The following DCDC1 variants were observed in gnomAD, a reference collection of about 807,000 sequenced individuals.
The protein encoded by DCDC1 is doublecortin domain containing 1, also known as doublecortin domain-containing protein 1.
Under a neutral mutation model 178.3 loss-of-function variants are expected in DCDC1, and 200 were observed. The ratio of observed to expected loss-of-function variants is 1.12; its 90% CI spans 1.00 to 1.26. DCDC1 has a LOEUF of 1.26. Among genes scored for constraint, DCDC1 ranks in the 50% most tolerant of loss-of-function variants. The pLI is 0.00. For synonymous variants in DCDC1, 690 were observed against 604.8 expected, an observed-to-expected ratio of 1.14 and a Z score of -2.07; for missense variants, 1,983 against 1,749.2, an observed-to-expected ratio of 1.13 and a Z score of -2.38.
chr11:31,237,757 GTTTA>G (rs936758783), intron 9 of DCDC1, among the ~76,000 whole-genome samples: 119 of 152,052 alleles, frequency 7.8e-4, no homozygotes, highest in African/African-American at 2.8e-3. Flanking sequence ...GAATACTTTG[GTTTA>G]TTTATTTTGC....
At chr11:31,306,438 CT>C (rs1948466054) in intron 4 of DCDC1, 50 bp from the exon 5 acceptor site, 5 of 1,515,924 alleles carry the variant, frequency 3.3e-6, no homozygotes, top group Non-Finnish European at 4.4e-6. Context: ...TTAGTGAAAG[CT>C]TTTAAATAAA....
intron 9 of DCDC1, among the ~76,000 whole-genome samples, chr11:31,168,456 G>A (rs1046808352): frequency 3.3e-5 from 5 of 152,320 alleles, no homozygotes; most frequent in African/African-American, 1.2e-4. Flanking sequence ...TAAAGACAAG[G>A]AACATGGTTT....
chr11:31,146,285 C>T (rs184634429), intron 9 of DCDC1, among the ~76,000 whole-genome samples: 4 of 152,086 alleles, frequency 2.6e-5, no homozygotes, highest in African/African-American at 9.6e-5. Flanking sequence ...GGGGTTTCAC[C>T]ATGTTGGCCA....
chr11:31,215,769 G>T (rs1290209751), intron 9 of DCDC1, among the ~76,000 whole-genome samples: 1 of 149,548 alleles, frequency 6.7e-6, no homozygotes. Flanking sequence ...CTCCAGCCTG[G>T]TGACAGAGCA....
intron 32 of DCDC1, among the ~76,000 whole-genome samples, 163 bp from the exon 33 acceptor site, chr11:30,900,661 T>A (rs1944593427): frequency 6.6e-6 from 1 of 152,156 alleles, no homozygotes; most frequent in African/African-American, 2.4e-5. Context: ...GGTCAGAAAC[T>A]TCATATACAA....
At chr11:31,184,017 C>T (rs7129901) in intron 9 of DCDC1, among the ~76,000 whole-genome samples, 40,027 of 151,962 alleles carry the variant, frequency 0.26, 5,419 homozygotes, top group African/African-American at 0.32. Context: ...GGAGGCATCA[C>T]GCTACCTGAC....
chr11:31,213,875 G>T (rs575377014), intron 9 of DCDC1, among the ~76,000 whole-genome samples: 4 of 77,906 alleles, frequency 5.1e-5, no homozygotes, highest in South Asian at 9.7e-4. Flanking sequence ...TAGAGAAAAA[G>T]AAGTATTTAT....
intron 20 of DCDC1, among the ~76,000 whole-genome samples, chr11:30,955,112 T>C (rs1011085645): frequency 4.6e-5 from 7 of 152,228 alleles, no homozygotes; most frequent in African/African-American, 1.7e-4. Flanking sequence ...TTTTTTGGAA[T>C]ACGTGGTCTA....
At chr11:31,219,662 A>T (rs1011225411) in intron 9 of DCDC1, among the ~76,000 whole-genome samples, 1 of 152,186 alleles carries the variant, frequency 6.6e-6, no homozygotes, top group Non-Finnish European at 1.5e-5. Context: ...CCAACTAAGG[A>T]CAAGGCACTG....
At chr11:30,881,336 G>T in intron 36 of DCDC1, 28 bp from the exon 37 acceptor site, 1 of 1,610,286 alleles carries the variant, frequency 6.2e-7, no homozygotes, top group Non-Finnish European at 8.5e-7. Context: ...AGCCACATTT[G>T]AATACGGAAT....
intron 22 of DCDC1, among the ~76,000 whole-genome samples, chr11:30,926,189 A>G (rs774351685): frequency 1.2e-4 from 19 of 152,306 alleles, no homozygotes; most frequent in Non-Finnish European, 2.5e-4. Context: ...AGCCTTATCT[A>G]AGGGAGTGGC....
chr11:30,975,131 AT>A (rs1203203392), intron 20 of DCDC1, among the ~76,000 whole-genome samples: 40 of 152,148 alleles, frequency 2.6e-4, no homozygotes, highest in African/African-American at 8.9e-4. Context: ...CTGTAAGATT[AT>A]CTCAATAGAC....
rs1590869019 is a variant in DCDC1, at chr11:31,047,455, T to G, written c.2591+17014A>C. Among the ~76,000 whole-genome samples the G allele has an allele frequency of 2.6e-5, 4 of 152,156 alleles. No individual in the cohort carries two copies. The South Asian group carries it at 8.3e-4, about 32-fold the overall frequency. ...TGTATATTTTTTTCTGTTCATTAGT[T>G]TTTTAAGGGTTAGTGATAAACATGC... On this transcript the variant is annotated intron_variant, in intron 20 of 38. Coordinates refer to ENST00000684477, the MANE Select transcript of DCDC1 (RefSeq NM_001387274.1).
At chr11:31,305,497 C>A in intron 6 of DCDC1, 118 bp downstream of exon 6, 4 of 1,319,200 alleles carry the variant, frequency 3.0e-6, no homozygotes, top group East Asian at 2.4e-5. Flanking sequence ...GCTGTAAATG[C>A]GTAAACATTA....
chr11:31,029,366 T>C (rs1953467008), intron 20 of DCDC1, among the ~76,000 whole-genome samples: 1 of 152,106 alleles, frequency 6.6e-6, no homozygotes, highest in Admixed American at 6.6e-5. Context: ...AAGAAGACTT[T>C]TCTGCTTAAA....
chr11:31,252,795 G>C (rs1396458515), intron 8 of DCDC1, among the ~76,000 whole-genome samples: 3 of 152,040 alleles, frequency 2.0e-5, no homozygotes, highest in Non-Finnish European at 4.4e-5. Flanking sequence ...TAAAAGAATA[G>C]ATTTCTGTTA....
intron 9 of DCDC1, among the ~76,000 whole-genome samples, chr11:31,213,713 C>T (rs1261764003): frequency 6.7e-6 from 1 of 149,292 alleles, no homozygotes; most frequent in Non-Finnish European, 1.5e-5. Flanking sequence ...GAGCATGACT[C>T]TGTCTCAAAA....
rs781130507 is a variant in DCDC1 at position 31,049,728 on chromosome 11, C to G, written c.2591+14741G>C. Among the ~76,000 whole-genome samples the G allele has an allele frequency of 3.2e-4, 49 of 152,336 alleles. No homozygotes were observed. In the Middle Eastern group the frequency reaches 0.01, roughly 32 times the overall value. ...AAGGGAGACCCTCCTCTCCCAAACA[C>G]ACACCTTCAGTGGAGAAGCTGAAGG... On this transcript the variant is annotated intron_variant, in intron 20 of 38. Coordinates refer to ENST00000684477, the MANE Select transcript of DCDC1 (RefSeq NM_001387274.1).
chr11:30,981,587 C>T (rs1307780461), intron 20 of DCDC1, among the ~76,000 whole-genome samples: 2 of 152,118 alleles, frequency 1.3e-5, no homozygotes, highest in Non-Finnish European at 1.5e-5. Flanking sequence ...ATTTTAAGGG[C>T]TGTTCACCAA....
Sources: gnomAD v4.1 joint callset for allele counts (sites outside exome capture counted in the v4.1 genomes callset) on GRCh38, gnomAD v4.1.1 for gene constraint, MANE v1.5 for transcripts, NCBI Gene and HGNC (gene_info 2026-07-23, HGNC 2026-07-21) for gene names.